Variants in ACCSL observed in about 807,000 individuals in gnomAD.
The protein encoded by ACCSL is 1-aminocyclopropane-1-carboxylate synthase homolog (inactive) like, also known as probable inactive 1-aminocyclopropane-1-carboxylate synthase-like protein 2.
Under a neutral mutation model 61.7 loss-of-function variants are expected in ACCSL, and 55 were observed. The observed-to-expected ratio is 0.89, with a 90% CI of 0.72 to 1.12. The LOEUF is 1.12. Ranked by LOEUF, ACCSL falls within the 50% of genes most tolerant of loss-of-function variation. ACCSL has a pLI of 0.00. For synonymous variants in ACCSL, 258 were observed against 264.3 expected (o/e 0.98, Z 0.23); for missense variants, 632 against 698.0 (o/e 0.91, Z 1.07).
the ACCSL span, among the ~76,000 whole-genome samples, chr11:43,954,812 C>T: frequency 1.3e-5 from 2 of 152,050 alleles, no homozygotes; most frequent in South Asian, 4.2e-4. Flanking sequence ...CTCGAACTCT[C>T]CATCTCAAGT....
chr11:43,980,840 G>C, the ACCSL span, among the ~76,000 whole-genome samples: 2 of 147,110 alleles, frequency 1.4e-5, no homozygotes, highest in African/African-American at 5.0e-5. Context: ...TCCAACTATG[G>C]GGTAAGCGCT....
chr11:43,936,880 AC>A, the ACCSL span, among the ~76,000 whole-genome samples: 37 of 149,188 alleles, frequency 2.5e-4, no homozygotes, highest in African/African-American at 7.7e-4. Flanking sequence ...CAATTTCCCC[AC>A]CCCCCCCTCC....
the ACCSL span, among the ~76,000 whole-genome samples, chr11:43,979,492 A>G: frequency 6.6e-6 from 1 of 152,204 alleles, no homozygotes; most frequent in Non-Finnish European, 1.5e-5. Context: ...TAGAGAGTTT[A>G]GACCACCTAA....
intron 5 of ACCSL, among the ~76,000 whole-genome samples, chr11:44,052,095 A>T (rs1296954225): frequency 6.6e-6 from 1 of 152,230 alleles, no homozygotes; most frequent in Non-Finnish European, 1.5e-5. Context: ...GGACCCAACA[A>T]GGTTGAGTGG....
chr11:44,010,370 C>T, the ACCSL span, among the ~76,000 whole-genome samples: 4 of 152,112 alleles, frequency 2.6e-5, no homozygotes, highest in African/African-American at 9.7e-5. Context: ...ATATAGGCAA[C>T]AAATATTTAC....
the ACCSL span, among the ~76,000 whole-genome samples, chr11:43,960,141 C>T: frequency 6.6e-6 from 1 of 152,138 alleles, no homozygotes; most frequent in Non-Finnish European, 1.5e-5. Context: ...GAGAGGCTGG[C>T]ACCCAGGAGA....
chr11:43,947,451 G>T, the ACCSL span, among the ~76,000 whole-genome samples: 1 of 152,072 alleles, frequency 6.6e-6, no homozygotes, highest in East Asian at 1.9e-4. Flanking sequence ...AAGGTGGCAC[G>T]CAGCTCCAAG....
At chr11:44,005,480 G>C in the ACCSL span, among the ~76,000 whole-genome samples, 1 of 152,114 alleles carries the variant, frequency 6.6e-6, no homozygotes, top group Non-Finnish European at 1.5e-5. Flanking sequence ...CTCGACTCAG[G>C]GGCTCTGGGT....
chr11:44,059,210 C>G (rs148145996), intron 13 of ACCSL, among the ~76,000 whole-genome samples: 2,159 of 152,280 alleles, frequency 0.014, 33 homozygotes, highest in Middle Eastern at 0.037. Context: ...CCACTGCACT[C>G]CAGCCTGGGC....
intron 8 of ACCSL, 49 bp from the exon 9 acceptor site, chr11:44,055,153 G>C (rs756075968): frequency 7.5e-7 from 1 of 1,329,156 alleles, no homozygotes; most frequent in Admixed American, 1.9e-5. Context: ...AAAGAAAAAA[G>C]ATTAGAGAGA....
At chr11:43,997,553 C>T in the ACCSL span, among the ~76,000 whole-genome samples, 1 of 152,156 alleles carries the variant, frequency 6.6e-6, no homozygotes. Flanking sequence ...TCGTTTTATG[C>T]CTCAAAGAAC....
chr11:43,954,316 G>A, the ACCSL span, among the ~76,000 whole-genome samples: 2 of 152,100 alleles, frequency 1.3e-5, no homozygotes, highest in Admixed American at 1.3e-4. Flanking sequence ...GGTTGAGAGC[G>A]GAGGTTTAAT....
At chr11:44,058,228 T>G (rs1952683462) in intron 11 of ACCSL, 89 bp from the exon 12 acceptor site, 1 of 1,427,318 alleles carries the variant, frequency 7.0e-7, no homozygotes, top group South Asian at 1.3e-5. Flanking sequence ...CAAACTTGCA[T>G]GAAGCCCAGG....
chr11:43,944,146 G>A, the ACCSL span: 1 of 323,286 alleles, frequency 3.1e-6, no homozygotes, highest in South Asian at 2.6e-5. Flanking sequence ...AAGTGAAGCC[G>A]CAGGAGGGGC....
chr11:44,043,733 A>G (rs1358119322), upstream of ACCSL, among the ~76,000 whole-genome samples: 2 of 152,122 alleles, frequency 1.3e-5, no homozygotes, highest in East Asian at 3.9e-4. Context: ...TCTTGTCTTC[A>G]TGCCTTATTC....
the ACCSL span, among the ~76,000 whole-genome samples, chr11:43,996,658 G>T: frequency 2.6e-5 from 4 of 152,064 alleles, no homozygotes; most frequent in Non-Finnish European, 4.4e-5. Flanking sequence ...GGGGCTGCAG[G>T]TTCTCTCTCC....
the ACCSL span, among the ~76,000 whole-genome samples, chr11:43,932,816 A>G: frequency 6.6e-6 from 1 of 152,234 alleles, no homozygotes; most frequent in Non-Finnish European, 1.5e-5. Context: ...AGGCCATGCC[A>G]GGGAAGCTGC....
At chr11:43,986,383 C>A in the ACCSL span, among the ~76,000 whole-genome samples, 1 of 146,516 alleles carries the variant, frequency 6.8e-6, no homozygotes, top group South Asian at 2.1e-4. Flanking sequence ...CTCTTGCTTA[C>A]AACCCTTCTC....
chr11:43,960,173 A>G, the ACCSL span, among the ~76,000 whole-genome samples: 1 of 152,080 alleles, frequency 6.6e-6, no homozygotes, highest in Non-Finnish European at 1.5e-5. Flanking sequence ...AGCCCCATGT[A>G]CCATAACACC....
Sources: gnomAD v4.1 joint callset for allele counts (sites outside exome capture counted in the v4.1 genomes callset) on GRCh38, gnomAD v4.1.1 for gene constraint, MANE v1.5 for transcripts, NCBI Gene and HGNC (gene_info 2026-07-23, HGNC 2026-07-21) for gene names.